ERBB4: variants seen among roughly 807,000 people sequenced by gnomAD.
The protein encoded by ERBB4 is erb-b2 receptor tyrosine kinase 4, also known as receptor tyrosine-protein kinase erbB-4.
ERBB4 carries 42 observed loss-of-function variants against 158.0 expected under a neutral mutation model. The observed-to-expected ratio is 0.27, with a 90% CI of 0.21 to 0.34. The LOEUF (loss-of-function observed/expected upper bound fraction) is 0.34, where lower values mean the gene tolerates loss of function less well. Ranked by LOEUF, ERBB4 falls within the 10% of genes least tolerant of loss-of-function variation. ERBB4 has a pLI of 1.00. For missense variants in ERBB4, 1,333 were observed against 1,624.1 expected, an observed-to-expected ratio of 0.82 and a Z score of 3.08; for synonymous variants, 583 against 558.7, an observed-to-expected ratio of 1.04 and a Z score of -0.61.
chr2:212,520,886 C>T (rs1350935697), intron 1 of ERBB4, among the ~76,000 whole-genome samples: 3 of 138,232 alleles, frequency 2.2e-5, no homozygotes, highest in Admixed American at 2.2e-4. Context: ...ACTGGCATAG[C>T]TCTGTGAAGT....
At chr2:212,003,226 A>C (rs1295271521) in intron 2 of ERBB4, among the ~76,000 whole-genome samples, 2 of 120,096 alleles carry the variant, frequency 1.7e-5, no homozygotes, top group African/African-American at 5.8e-5. Flanking sequence ...GGAAGGAAGG[A>C]AGGAAGGAAG....
chr2:211,487,342 T>C (rs1479816631), intron 20 of ERBB4, among the ~76,000 whole-genome samples: 3 of 151,472 alleles, frequency 2.0e-5, no homozygotes, highest in Admixed American at 6.6e-5. Context: ...TTATGTACTA[T>C]GTTAACCTCA....
chr2:212,418,053 A>C lies in ERBB4; in HGVS notation c.82+120396T>G, dbSNP rs77253910. Among the ~76,000 whole-genome samples the C allele has an allele frequency of 3.1e-3, 465 of 152,092 alleles. 1 individual carries two copies. The highest frequency in any genetic ancestry group is 4.7e-3 in the Non-Finnish European group (320 of 67,868). ...GGCAGCCATCAGCAAGTCAGGAAGA[A>C]GGCCCTTACAAATAACTGAATCTAT... On this transcript the variant is annotated intron_variant, in intron 1 of 27. Transcript: ENST00000342788.
intron 1 of ERBB4, among the ~76,000 whole-genome samples, chr2:212,192,083 ATATATAT>A (rs1296300970): frequency 4.8e-5 from 5 of 103,406 alleles, no homozygotes; most frequent in Non-Finnish European, 9.3e-5. Flanking sequence ...TATATATATT[ATATATAT>A]TATATAAGTT....
intron 2 of ERBB4, among the ~76,000 whole-genome samples, chr2:212,060,736 C>A (rs182582610): frequency 1.2e-3 from 182 of 149,700 alleles, no homozygotes; most frequent in African/African-American, 3.8e-3. Context: ...CACATGGTCT[C>A]ACTCATAGAT....
At chr2:212,222,156 C>A (rs777218912) in intron 1 of ERBB4, among the ~76,000 whole-genome samples, 1 of 151,468 alleles carries the variant, frequency 6.6e-6, no homozygotes, top group Non-Finnish European at 1.5e-5. Flanking sequence ...TTTTCACTAT[C>A]TTTGTATTCC....
At chr2:212,055,159 C>G (rs1463487503) in intron 2 of ERBB4, among the ~76,000 whole-genome samples, 1 of 152,194 alleles carries the variant, frequency 6.6e-6, no homozygotes. Context: ...TACTCCGCAC[C>G]TGGCTCGGAG....
intron 5 of ERBB4, among the ~76,000 whole-genome samples, chr2:211,726,773 C>T (rs2074282377): frequency 6.6e-6 from 1 of 152,240 alleles, no homozygotes; most frequent in African/African-American, 2.4e-5. Flanking sequence ...TAAGCCAACG[C>T]CTATAAATCA....
intron 18 of ERBB4, among the ~76,000 whole-genome samples, chr2:211,623,044 TAA>T (rs1559357175): frequency 4.8e-4 from 41 of 86,194 alleles, no homozygotes; most frequent in African/African-American, 1.2e-3. Flanking sequence ...TATATATATA[TAA>T]AATGCCAAAG....
chr2:212,231,447 C>T (rs574194555), intron 1 of ERBB4, among the ~76,000 whole-genome samples: 75 of 152,234 alleles, frequency 4.9e-4, no homozygotes, highest in Non-Finnish European at 8.1e-4. Flanking sequence ...CAGACTGAAA[C>T]GGCAAAGTGC....
At chr2:212,247,132 G>C (rs1371927589) in intron 1 of ERBB4, among the ~76,000 whole-genome samples, 1 of 152,074 alleles carries the variant, frequency 6.6e-6, no homozygotes, top group African/African-American at 2.4e-5. Flanking sequence ...TTTGAGAAAA[G>C]GCAAAATAGA....
At chr2:211,757,909 G>C (rs1012061401) in intron 4 of ERBB4, among the ~76,000 whole-genome samples, 1 of 152,204 alleles carries the variant, frequency 6.6e-6, no homozygotes, top group East Asian at 1.9e-4. Context: ...ACCTATGAGA[G>C]TGCCATTTTT....
chr2:211,627,645 C>A (rs2069914050), intron 17 of ERBB4, among the ~76,000 whole-genome samples: 1 of 152,016 alleles, frequency 6.6e-6, no homozygotes, highest in South Asian at 2.1e-4. Context: ...TGTCAGTGTT[C>A]AAAGGAGAAG....
At chr2:212,381,610 A>G (rs1254948483) in intron 1 of ERBB4, among the ~76,000 whole-genome samples, 3 of 151,354 alleles carry the variant, frequency 2.0e-5, no homozygotes, top group African/African-American at 7.3e-5. Context: ...TCTGCCAAGT[A>G]ATTAGTCATG....
chr2:211,959,288 C>A (rs1272913057), intron 2 of ERBB4, among the ~76,000 whole-genome samples: 1 of 152,082 alleles, frequency 6.6e-6, no homozygotes, highest in African/African-American at 2.4e-5. Context: ...TTTATCATCT[C>A]CAATCTTCGT....
At position 211,822,395 on chromosome 2, in the gene ERBB4, C is replaced by T. The variant is rs186863170; in HGVS notation, c.422-34236G>A. ...TGTGTATCACAACATCACTATGTAC[C>T]CCATAAAAATGTATAGATATAACGT... On this transcript the variant is annotated intron_variant, in intron 3 of 27. Transcript: ENST00000342788. 9.6e-4 allele frequency among the ~76,000 whole-genome samples: 146 copies of T among 151,938 alleles called. 1 individual carries two copies. The South Asian group carries it at 0.011, about 11-fold the overall frequency.
At chr2:211,639,281 G>A (rs2125890380) in intron 16 of ERBB4, among the ~76,000 whole-genome samples, 1 of 152,240 alleles carries the variant, frequency 6.6e-6, no homozygotes, top group Non-Finnish European at 1.5e-5. Context: ...TAACCGTTAA[G>A]TATCACTATG....
chr2:211,565,812 A>T (rs2067529390), intron 19 of ERBB4, among the ~76,000 whole-genome samples: 1 of 152,212 alleles, frequency 6.6e-6, no homozygotes, highest in African/African-American at 2.4e-5. Context: ...GGAGTGATAG[A>T]AGACCAAACA....
At chr2:211,918,716 C>T (rs1444737217) in intron 3 of ERBB4, among the ~76,000 whole-genome samples, 1 of 152,096 alleles carries the variant, frequency 6.6e-6, no homozygotes, top group Admixed American at 6.6e-5. Flanking sequence ...ATGTCTGTCG[C>T]TTCCAGGGAA....
Sources: allele counts gnomAD v4.1 joint callset (sites outside exome capture counted in the v4.1 genomes callset), GRCh38; gene constraint gnomAD v4.1.1; transcripts MANE v1.5; gene names NCBI Gene and HGNC (gene_info 2026-07-23, HGNC 2026-07-21).